Variants in KIRREL3 observed in about 807,000 individuals in gnomAD.
The protein encoded by KIRREL3 is kin of IRRE-like protein 3.
In KIRREL3, 36 loss-of-function variants were observed where a neutral mutation model predicts 89.7. The observed-to-expected ratio is 0.40, with a 90% CI of 0.31 to 0.53. KIRREL3 has a LOEUF of 0.53. KIRREL3 is among the 20% of genes least tolerant of loss of function. The pLI, the probability that KIRREL3 is intolerant of heterozygous loss-of-function variation, is 0.49. For missense variants in KIRREL3, 864 were observed against 1,056.6 expected, an observed-to-expected ratio of 0.82 and a Z score of 2.53; for synonymous variants, 445 against 441.4, an observed-to-expected ratio of 1.01 and a Z score of -0.10.
rs1223054879 is a variant in KIRREL3 at position 126,703,673 on chromosome 11, G to A, written c.56-140761C>T. ...ACAAAAGAGATGTCTGTTTTCCTGA[G>A]GCCCACGGGCAGGGGAGGCAGGACT... On this transcript the variant is annotated intron_variant, in intron 1 of 16. Transcript: ENST00000525144. The surrounding 1 kb of genome is among the most constrained non-coding windows in gnomAD (Gnocchi z 4.6). 6.6e-6 allele frequency among the ~76,000 whole-genome samples: 1 copy of A among 152,168 alleles called. No individual in the cohort carries two copies. Among genetic ancestry groups the A allele is most frequent in the Non-Finnish European group, 1.5e-5 (1 of 68,034 alleles).
intron 5 of KIRREL3, among the ~76,000 whole-genome samples, chr11:126,466,521 G>A (rs1053670927): frequency 2.6e-5 from 4 of 152,226 alleles, no homozygotes; most frequent in African/African-American, 7.2e-5. Context: ...AGGACAGGGC[G>A]GGATGTGGAG....
intron 2 of KIRREL3, among the ~76,000 whole-genome samples, chr11:126,554,219 T>C (rs1281502870): frequency 6.6e-6 from 1 of 152,166 alleles, no homozygotes; most frequent in Non-Finnish European, 1.5e-5. Context: ...GAAGACAGGA[T>C]GAGTATTTCA....
chr11:126,803,526 A>G (rs544642104), intron 1 of KIRREL3, among the ~76,000 whole-genome samples: 1 of 152,318 alleles, frequency 6.6e-6, no homozygotes, highest in East Asian at 1.9e-4. Flanking sequence ...ATTATTGTAC[A>G]TGTATAAATA....
rs117502991 is a variant in KIRREL3, at chr11:126,704,760, C to G, written c.56-141848G>C. 2.8e-4 allele frequency among the ~76,000 whole-genome samples: 42 copies of G among 152,306 alleles called. No individual in the cohort carries two copies. Among genetic ancestry groups the G allele is most frequent in the African/African-American group, 1.0e-3 (42 of 41,572 alleles). ...TCACTTTTGGGCTAGCTACCTATAC[C>G]AGTCCAAAGGCTTGATACAGGAACC... is the stretch of plus-strand genomic sequence containing the variant. On this transcript the variant is annotated intron_variant, in intron 1 of 16. Coordinates refer to ENST00000525144, the MANE Select transcript of KIRREL3 (RefSeq NM_032531.4). The surrounding 1 kb of genome is among the most constrained non-coding windows in gnomAD (Gnocchi z 4.2).
intron 2 of KIRREL3, among the ~76,000 whole-genome samples, chr11:126,540,429 G>A (rs879901125): frequency 6.6e-6 from 1 of 152,182 alleles, no homozygotes; most frequent in Non-Finnish European, 1.5e-5. Context: ...TCCCAGCCTC[G>A]CACTTCTCTC....
At chr11:126,941,805 G>A (rs546853933) in intron 1 of KIRREL3, among the ~76,000 whole-genome samples, 13 of 152,326 alleles carry the variant, frequency 8.5e-5, no homozygotes, top group African/African-American at 2.9e-4. Context: ...CTATCTCAGT[G>A]TAACTAACTC....
intron 1 of KIRREL3, among the ~76,000 whole-genome samples, chr11:126,580,836 G>GTTT (rs58691243): frequency 1.4e-4 from 20 of 140,806 alleles, no homozygotes; most frequent in African/African-American, 2.4e-4. Context: ...GGAATTTCCT[G>GTTT]TTTTTTTTTT....
chr11:126,619,492 T>C (rs977485825), intron 1 of KIRREL3, among the ~76,000 whole-genome samples: 5 of 152,194 alleles, frequency 3.3e-5, no homozygotes, highest in African/African-American at 1.2e-4. Flanking sequence ...TAAAAAAAGA[T>C]CCTATGTGGA....
chr11:126,722,089 C>T (rs1027287185), intron 1 of KIRREL3, among the ~76,000 whole-genome samples: 38 of 152,352 alleles, frequency 2.5e-4, no homozygotes, highest in African/African-American at 9.1e-4. Context: ...GTCTGTAACT[C>T]TACTGTATAT....
intron 4 of KIRREL3, among the ~76,000 whole-genome samples, chr11:126,511,843 C>T (rs1958232125): frequency 6.6e-6 from 1 of 152,208 alleles, no homozygotes; most frequent in African/African-American, 2.4e-5. Flanking sequence ...CTGTGAAACC[C>T]TTGTTTTGGG....
chr11:126,584,864 G>A (rs1941741880), intron 1 of KIRREL3, among the ~76,000 whole-genome samples: 1 of 152,084 alleles, frequency 6.6e-6, no homozygotes, highest in Non-Finnish European at 1.5e-5. Context: ...TTCATCTGTA[G>A]AGCTCTCTGG....
At chr11:126,841,042 G>T (rs966543982) in intron 1 of KIRREL3, among the ~76,000 whole-genome samples, 1 of 152,194 alleles carries the variant, frequency 6.6e-6, no homozygotes, top group African/African-American at 2.4e-5. Context: ...TTATGTGATT[G>T]TTGTTAATCT....
At position 126,966,614 on chromosome 11, in the gene KIRREL3, G is replaced by T. The variant is rs565100773; in HGVS notation, c.55+33841C>A. On this transcript the variant is annotated intron_variant, in intron 1 of 16. Transcript: ENST00000525144. ...AGTTCTGTCTGTGAGGAGCATCTCA[G>T]TGACTCTTCTCTAGGGCATACTAAT... is the stretch of plus-strand genomic sequence containing the variant. 1.3e-4 allele frequency among the ~76,000 whole-genome samples: 20 copies of T among 152,286 alleles called. No individual in the cohort carries two copies. The South Asian group carries it at 4.1e-3, about 32-fold the overall frequency.
chr11:126,449,291 GGGGA>G (rs1417296830), intron 7 of KIRREL3, 134 bp from the exon 8 acceptor site: 14 of 961,120 alleles, frequency 1.5e-5, no homozygotes, highest in Non-Finnish European at 2.1e-5. Flanking sequence ...GGTCCGTCAA[GGGGA>G]ATCTTCACAG....
At chr11:126,545,096 T>C (rs1938698303) in intron 2 of KIRREL3, among the ~76,000 whole-genome samples, 1 of 152,276 alleles carries the variant, frequency 6.6e-6, no homozygotes, top group African/African-American at 2.4e-5. Context: ...ATAAATGTCA[T>C]TGTGGTGTTT....
chr11:126,863,436 CGTGT>C (rs1565362912), intron 1 of KIRREL3, among the ~76,000 whole-genome samples: 3 of 60,470 alleles, frequency 5.0e-5, no homozygotes, highest in South Asian at 6.8e-4. Flanking sequence ...TGTGTGAGTG[CGTGT>C]GTGAGTGTGT....
At chr11:126,536,375 C>A (rs548763785) in intron 2 of KIRREL3, among the ~76,000 whole-genome samples, 1 of 152,178 alleles carries the variant, frequency 6.6e-6, no homozygotes, top group Non-Finnish European at 1.5e-5. Flanking sequence ...CTGCCACCCA[C>A]AACTGCCAAC....
Position 126,566,096 on chromosome 11 carries a change from A to G in KIRREL3, c.56-3184T>C, listed in dbSNP as rs1227812632. 6.6e-6 allele frequency among the ~76,000 whole-genome samples: 1 copy of G among 152,004 alleles called. No individual in the cohort carries two copies. The highest frequency in any genetic ancestry group is 6.5e-5 in the Admixed American group (1 of 15,268). On this transcript the variant is annotated intron_variant, in intron 1 of 16. Coordinates refer to ENST00000525144, the MANE Select transcript of KIRREL3 (RefSeq NM_032531.4). The surrounding 1 kb of genome is among the most constrained non-coding windows in gnomAD (Gnocchi z 4.9). ...CTTTGGGGGTGCTGTCTTTGGCTTTATCAGTAGCAGAAACACCCAGATACT... is the reference window on the plus strand; with the variant it reads ...CTTTGGGGGTGCTGTCTTTGGCTTTGTCAGTAGCAGAAACACCCAGATACT...
At chr11:126,621,217 C>G (rs974394642) in intron 1 of KIRREL3, among the ~76,000 whole-genome samples, 1 of 152,188 alleles carries the variant, frequency 6.6e-6, no homozygotes, top group Non-Finnish European at 1.5e-5. Flanking sequence ...CTATTCAGAA[C>G]AGCTCTGAGT....
Sources: allele counts gnomAD v4.1 joint callset (sites outside exome capture counted in the v4.1 genomes callset), GRCh38; gene constraint gnomAD v4.1.1; non-coding constraint Gnocchi (gnomAD v3.1); transcripts MANE v1.5; gene names NCBI Gene and HGNC (gene_info 2026-07-23, HGNC 2026-07-21).